SLC7A10: variants seen among roughly 807,000 people sequenced by gnomAD.
SLC7A10 encodes asc-type amino acid transporter 1.
A neutral mutation model predicts 52.7 loss-of-function variants in SLC7A10; 30 were observed. The observed-to-expected ratio is 0.57, with a 90% CI of 0.43 to 0.77. The LOEUF (loss-of-function observed/expected upper bound fraction) is 0.77. Among genes scored for constraint, SLC7A10 ranks in the 30% least tolerant of loss-of-function variants. SLC7A10 has a pLI of 0.00. For missense variants in SLC7A10, 581 were observed against 698.5 expected, an observed-to-expected ratio of 0.83 and a Z score of 1.90; for synonymous variants, 318 against 314.9, an observed-to-expected ratio of 1.01 and a Z score of -0.10.
rs974614203 is a variant in SLC7A10, at chr19:33,216,494, G to A, written c.152-521C>T. On this transcript the variant is annotated intron_variant, in intron 1 of 10. Coordinates refer to ENST00000253188, the MANE Select transcript of SLC7A10 (RefSeq NM_019849.3). ...ACCACTCTCCTGCCACTTTCCCACC[G>A]GCCAAAGTCCAGACTCATGGAGTGG... Among the ~76,000 whole-genome samples the A allele has an allele frequency of 8.5e-5, 13 of 152,282 alleles. No homozygotes were observed. In the East Asian group the frequency reaches 1.9e-3, roughly 23 times the overall value.
chr19:33,209,206 C>G lies in SLC7A10; in HGVS notation c.1441+102G>C, dbSNP rs185454234. On this transcript the variant is annotated intron_variant, in intron 10 of 10. Coordinates refer to ENST00000253188, the MANE Select transcript of SLC7A10 (RefSeq NM_019849.3). Reference sequence around the variant, plus strand: ...GCGGCTGGGCCCTGTGTTCCCACCTCAGCTGCTAGGACACCCTGCTCTGGG... The same window carrying G: ...GCGGCTGGGCCCTGTGTTCCCACCTGAGCTGCTAGGACACCCTGCTCTGGG... The G allele has an allele frequency of 7.5e-4, 1,159 of 1,552,684 alleles. 3 individuals carry two copies. The highest frequency in any genetic ancestry group is 8.2e-4 in the Non-Finnish European group (926 of 1,136,104).
chr19:33,225,018 C>T (rs540967275), intron 1 of SLC7A10, among the ~76,000 whole-genome samples: 15 of 152,342 alleles, frequency 9.8e-5, no homozygotes, highest in African/African-American at 1.2e-4. Context: ...TCTGAACCTC[C>T]GTCCCTTCTG....
intron 1 of SLC7A10, among the ~76,000 whole-genome samples, chr19:33,221,333 C>T (rs1772132391): frequency 6.6e-6 from 1 of 152,156 alleles, no homozygotes; most frequent in African/African-American, 2.4e-5. Context: ...TGGATTTTGT[C>T]TGTCTTGACC....
chr19:33,215,583 AC>A (rs1430961101), intron 2 of SLC7A10, among the ~76,000 whole-genome samples, 185 bp downstream of exon 2: 1 of 106,284 alleles, frequency 9.4e-6, no homozygotes, highest in Non-Finnish European at 1.9e-5. Flanking sequence ...GCTGTCCAGC[AC>A]CCCCACACCT....
chr19:33,210,384 C>T lies in SLC7A10; in HGVS notation c.1263+83G>A. The T allele has an allele frequency of 1.1e-5, 16 of 1,512,052 alleles. 1 individual carries two copies. The South Asian group carries it at 1.9e-4, about 18-fold the overall frequency. The allele number at this position is 1,512,052 out of a possible 1,614,324, so 93.7% of individuals were successfully genotyped here. On this transcript the variant is annotated intron_variant, in intron 9 of 10. Transcript: ENST00000253188. The surrounding 1 kb of genome is among the most constrained non-coding windows in gnomAD (Gnocchi z 5.6). Reference sequence around the variant, plus strand: ...CTCCACAAAAGCTGGCACCTCCCATCCCACCTGCCCCTGGTGCCCACTGTG... The same window carrying T: ...CTCCACAAAAGCTGGCACCTCCCATTCCACCTGCCCCTGGTGCCCACTGTG...
At chr19:33,221,484 G>A (rs561272872) in intron 1 of SLC7A10, among the ~76,000 whole-genome samples, 3 of 152,282 alleles carry the variant, frequency 2.0e-5, no homozygotes, top group South Asian at 2.1e-4. Context: ...GGAGCACACC[G>A]AGGGCATCTG....
At chr19:33,211,616 C>T in intron 5 of SLC7A10, 79 bp from the exon 6 acceptor site, 2 of 1,608,864 alleles carry the variant, frequency 1.2e-6, no homozygotes, top group South Asian at 2.2e-5. Flanking sequence ...GAGAGCAGCT[C>T]ATAGTCTCCA....
In SLC7A10 at chr19:33,208,842, A is replaced by G; in HGVS notation, c.*49T>C. 6.2e-7 allele frequency: 1 copy of G among 1,613,508 alleles called. No individual in the cohort carries two copies. The highest frequency in any genetic ancestry group is 8.5e-7 in the Non-Finnish European group (1 of 1,179,760). ...AACTTTTTTGCCAAAACACCTCCTC[A>G]ATAAACAACATGTAAACAGAAACAA... On this transcript the variant is annotated 3_prime_UTR_variant, in exon 11 of 11. Coordinates refer to ENST00000253188, the MANE Select transcript of SLC7A10 (RefSeq NM_019849.3). This position sits in a 1 kb window ranked among gnomAD's most constrained non-coding sequence, Gnocchi z 4.7.
At position 33,209,370 on chromosome 19, in the gene SLC7A10, A is replaced by T; in HGVS notation, c.1379T>A (p.Val460Glu). ...GVGVIIILTGVPIFFLGVFWR... is the reference protein window; with the variant it reads ...GVGVIIILTGEPIFFLGVFWR... ...GAACACTCCCAGAAAGAAAATGGGC[A>T]CCCCCGTAAGGATGATGATGACGCC... The change falls in exon 10 of 11, where the codon GTG (valine) becomes GAG (glutamate). Residue 460 changes from valine (V) to glutamate (E), a missense_variant. Coordinates refer to ENST00000253188, the MANE Select transcript of SLC7A10 (RefSeq NM_019849.3). 1 of 1,613,920 alleles carries T rather than the reference A, an allele frequency of 6.2e-7. No individual in the cohort carries two copies. Among genetic ancestry groups the T allele is most frequent in the Non-Finnish European group, 8.5e-7 (1 of 1,179,984 alleles).
chr19:33,216,440 C>T (rs910938762), intron 1 of SLC7A10, among the ~76,000 whole-genome samples: 1 of 152,222 alleles, frequency 6.6e-6, no homozygotes, highest in Non-Finnish European at 1.5e-5. Context: ...AGCCCACTGG[C>T]CAGAGCTGGC....
intron 2 of SLC7A10, 138 bp downstream of exon 2, chr19:33,215,631 C>CCCCCACACCTTCTCTCCACCCAG (rs1555733094): frequency 2.3e-6 from 1 of 443,586 alleles, no homozygotes; most frequent in African/African-American, 3.0e-5. Context: ...TCTCCATCCA[C>CCCCCACACCTTCTCTCCACCCAG]CCCCCACACC....
chr19:33,213,429 C>T (rs181814677), intron 2 of SLC7A10, among the ~76,000 whole-genome samples: 5 of 152,176 alleles, frequency 3.3e-5, no homozygotes, highest in African/African-American at 9.6e-5. Context: ...GCTGGGACTA[C>T]AGGCGCCTGC....
Position 33,212,860 on chromosome 19 carries a change from C to A in SLC7A10, c.499G>T (p.Ala167Ser), listed in dbSNP as rs1397987136. 6.2e-7 allele frequency: 1 copy of A among 1,613,810 alleles called. No individual in the cohort carries two copies. The highest frequency in any genetic ancestry group is 8.5e-7 in the Non-Finnish European group (1 of 1,179,886). ...CAAAGGGGATGCTTACTCAGGCAGG[C>A]CATGGACAGCACCCGGGAGGCTGTG... ...PTTASRVLSM[A>S]CLMLLTWVNS... Residue 167 changes from alanine to serine, a missense_variant, in exon 3 of 11, where the codon GCC becomes TCC. Transcript: ENST00000253188.
intron 1 of SLC7A10, among the ~76,000 whole-genome samples, chr19:33,218,195 C>T (rs765641015): frequency 6.6e-5 from 10 of 152,058 alleles, no homozygotes; most frequent in Non-Finnish European, 1.5e-4. Context: ...CTTGGTGGGG[C>T]CTCCTGGGTG....
chr19:33,215,865 G>C lies in SLC7A10; in HGVS notation c.260C>G (p.Ala87Gly). ...FVWVLGGGVT[A>G]LGSLCYAELG... ...CTCTGCATAGCAGAGGGAGCCCAGA[G>C]CCGTCACGCCCCCACCCAGGACCCA... Residue 87 changes from alanine to glycine, a missense_variant, in exon 2 of 11, where the codon GCT becomes GGT. Transcript: ENST00000253188. 2 of 1,606,204 alleles carry C rather than the reference G, an allele frequency of 1.2e-6. No individual in the cohort carries two copies. The highest frequency in any genetic ancestry group is 1.7e-6 in the Non-Finnish European group (2 of 1,176,616).
rs765362622 is a variant in SLC7A10 at position 33,211,287 on chromosome 19, C to A, written c.954G>T (p.Met318Ile). 6.2e-7 allele frequency: 1 copy of A among 1,614,064 alleles called. No individual in the cohort carries two copies. The highest frequency in any genetic ancestry group is 8.5e-7 in the Non-Finnish European group (1 of 1,180,042). ...EKLLGYFSWV[M>I]PVSVALSTFG... ...AGGTTGACAGAGCCACGGAGACAGG[C>A]ATGACCCAAGAAAAGTAGCCCAGCA... Residue 318 changes from methionine (M) to isoleucine (I), a missense_variant, in exon 7 of 11, where the codon ATG (methionine) becomes ATT (isoleucine). By Grantham distance (10) the Met-to-Ile change is conservative. Transcript: ENST00000253188.
chr19:33,218,079 G>A (rs553812405), intron 1 of SLC7A10, among the ~76,000 whole-genome samples: 1 of 152,286 alleles, frequency 6.6e-6, no homozygotes, highest in South Asian at 2.1e-4. Context: ...AGGGAGGTTG[G>A]AAGCCAGCGG....
chr19:33,212,156 A>T, intron 5 of SLC7A10, 136 bp downstream of exon 5: 1 of 1,326,684 alleles, frequency 7.5e-7, no homozygotes, highest in Non-Finnish European at 1.0e-6. Context: ...TCCCAGGGCC[A>T]TTTTTGCAGG....
chr19:33,214,390 C>T (rs535182891), intron 2 of SLC7A10, among the ~76,000 whole-genome samples: 4 of 152,308 alleles, frequency 2.6e-5, no homozygotes, highest in East Asian at 1.9e-4. Flanking sequence ...GTGCCACCTC[C>T]GCTGCACCCA....
Sources: allele counts gnomAD v4.1 joint callset (sites outside exome capture counted in the v4.1 genomes callset), GRCh38; gene constraint gnomAD v4.1.1; non-coding constraint Gnocchi (gnomAD v3.1); transcripts MANE v1.5; gene names NCBI Gene and HGNC (gene_info 2026-07-23, HGNC 2026-07-21).